Variants in SLC9A9 observed in about 807,000 individuals in gnomAD.
SLC9A9 encodes sodium/hydrogen exchanger 9.
A neutral mutation model predicts 77.8 loss-of-function variants in SLC9A9; 62 were observed. The ratio of observed to expected loss-of-function variants is 0.80; its 90% confidence interval spans 0.65 to 0.98. The LOEUF is 0.98. SLC9A9 is among the 50% of genes least tolerant of loss of function. The pLI is 0.00. For synonymous variants in SLC9A9, 320 were observed against 283.5 expected (o/e 1.13, Z -1.29); for missense variants, 775 against 774.9 (o/e 1.00, Z 0.00).
intron 12 of SLC9A9, among the ~76,000 whole-genome samples, chr3:143,422,650 T>C (rs1431201606): frequency 6.6e-6 from 1 of 152,170 alleles, no homozygotes; most frequent in Non-Finnish European, 1.5e-5. Context: ...GGTCCTATGC[T>C]CATAACTTGG....
intron 9 of SLC9A9, among the ~76,000 whole-genome samples, chr3:143,519,620 A>G (rs1264722716): frequency 6.6e-6 from 1 of 152,168 alleles, no homozygotes; most frequent in Non-Finnish European, 1.5e-5. Context: ...CTCTATTAAG[A>G]TAGGCCTAGA....
At chr3:143,391,393 G>C (rs1489640032) in intron 12 of SLC9A9, among the ~76,000 whole-genome samples, 1 of 152,246 alleles carries the variant, frequency 6.6e-6, no homozygotes. Flanking sequence ...TGAGGGTCCT[G>C]ACTGTTAGAA....
At chr3:143,315,190 C>T (rs1260836729) in intron 14 of SLC9A9, among the ~76,000 whole-genome samples, 1 of 152,196 alleles carries the variant, frequency 6.6e-6, no homozygotes, top group African/African-American at 2.4e-5. Flanking sequence ...AGTACCTCAG[C>T]TATAAGCCCC....
At chr3:143,585,137 C>A (rs763757848) in intron 6 of SLC9A9, among the ~76,000 whole-genome samples, 1 of 152,172 alleles carries the variant, frequency 6.6e-6, no homozygotes, top group African/African-American at 2.4e-5. Flanking sequence ...GCCACAAGAT[C>A]TTCCAGGTCT....
chr3:143,629,576 T>C (rs565188044), intron 6 of SLC9A9, among the ~76,000 whole-genome samples: 18 of 151,648 alleles, frequency 1.2e-4, no homozygotes, highest in East Asian at 7.7e-4. Flanking sequence ...TGTGTGCGTG[T>C]GTGTGTGTGT....
intron 14 of SLC9A9, among the ~76,000 whole-genome samples, chr3:143,323,857 A>T (rs1669935587): frequency 2.6e-5 from 4 of 152,198 alleles, no homozygotes; most frequent in African/African-American, 9.6e-5. Flanking sequence ...TTTATAATAC[A>T]TATGCACCCT....
At chr3:143,787,427 G>C (rs567453590) in intron 4 of SLC9A9, among the ~76,000 whole-genome samples, 2 of 152,108 alleles carry the variant, frequency 1.3e-5, no homozygotes, top group South Asian at 4.1e-4. Context: ...ATTGAATTTT[G>C]TTTTAATTCC....
At chr3:143,590,855 C>T (rs577841226) in intron 6 of SLC9A9, among the ~76,000 whole-genome samples, 2 of 152,270 alleles carry the variant, frequency 1.3e-5, no homozygotes, top group South Asian at 2.1e-4. Context: ...CACAGCTCAC[C>T]ACATGCTACA....
chr3:143,273,873 C>T (rs960137993), intron 14 of SLC9A9, among the ~76,000 whole-genome samples: 1 of 152,172 alleles, frequency 6.6e-6, no homozygotes, highest in African/African-American at 2.4e-5. Context: ...TATTGCCCTC[C>T]CATATGAGAT....
chr3:143,518,764 T>C (rs1168687122), intron 9 of SLC9A9, among the ~76,000 whole-genome samples: 2 of 152,232 alleles, frequency 1.3e-5, no homozygotes, highest in South Asian at 4.1e-4. Flanking sequence ...GAAATGTGTT[T>C]CCACATATCT....
Position 143,590,334 on chromosome 3 carries a change from G to A in SLC9A9, c.756-11611C>T, listed in dbSNP as rs568443640. On this transcript the variant is annotated intron_variant, in intron 6 of 15. Coordinates refer to ENST00000316549, the MANE Select transcript of SLC9A9 (RefSeq NM_173653.4). ...CATGGAAAGCACTCCAAAAATATTA[G>A]CTGTTATTATTGCTATTTGCATTAG... 1.5e-4 allele frequency among the ~76,000 whole-genome samples: 23 copies of A among 152,306 alleles called. 1 individual carries two copies. The South Asian group carries it at 4.8e-3, about 32-fold the overall frequency.
At chr3:143,699,235 CTT>C (rs1339393181) in intron 4 of SLC9A9, among the ~76,000 whole-genome samples, 1 of 152,094 alleles carries the variant, frequency 6.6e-6, no homozygotes, top group Admixed American at 6.6e-5. Context: ...TTCTAAAAGA[CTT>C]TTTATTTTGA....
At chr3:143,814,622 C>T (rs563994661) in intron 2 of SLC9A9, among the ~76,000 whole-genome samples, 11 of 152,214 alleles carry the variant, frequency 7.2e-5, no homozygotes, top group South Asian at 6.2e-4. Context: ...AGAATAATTT[C>T]GTAATATTGC....
At chr3:143,456,861 C>T (rs938712913) in intron 12 of SLC9A9, among the ~76,000 whole-genome samples, 3 of 152,108 alleles carry the variant, frequency 2.0e-5, no homozygotes, top group Admixed American at 6.5e-5. Flanking sequence ...CTGTGCCTGG[C>T]CAATTCTATA....
intron 6 of SLC9A9, among the ~76,000 whole-genome samples, chr3:143,641,330 A>C (rs745885491): frequency 6.6e-6 from 1 of 151,536 alleles, no homozygotes; most frequent in Non-Finnish European, 1.5e-5. Flanking sequence ...TAGCAGATAT[A>C]AATTGATTTC....
Position 143,687,066 on chromosome 3 carries a change from CA to C in SLC9A9, c.649+6125del, listed in dbSNP as rs138129606. Among the ~76,000 whole-genome samples, 1,257 of 152,148 alleles carry C rather than the reference CA, an allele frequency of 8.3e-3. 20 individuals are homozygous for C. Among genetic ancestry groups the C allele is most frequent in the African/African-American group, 0.029 (1,210 of 41,496 alleles). The stretch of plus-strand genomic sequence containing the variant: ...CTGATGATGACCTTTCCATCATCAG[CA>C]AGATCTTCATCAGTAAGGAAAGGAG... On this transcript the variant is annotated intron_variant, in intron 5 of 15. Transcript: ENST00000316549.
chr3:143,759,654 GT>G (rs1204376310), intron 4 of SLC9A9, among the ~76,000 whole-genome samples: 8 of 151,600 alleles, frequency 5.3e-5, no homozygotes, highest in Non-Finnish European at 7.4e-5. Context: ...AAATACCCCC[GT>G]TTTTTTCAAG....
intron 5 of SLC9A9, among the ~76,000 whole-genome samples, chr3:143,653,619 G>C (rs954596591): frequency 1.3e-5 from 2 of 152,134 alleles, no homozygotes; most frequent in Non-Finnish European, 1.5e-5. Flanking sequence ...TTTCATAATA[G>C]AGAGTCATGA....
intron 4 of SLC9A9, among the ~76,000 whole-genome samples, chr3:143,779,713 C>T (rs573869447): frequency 1.3e-5 from 2 of 152,212 alleles, no homozygotes; most frequent in South Asian, 4.1e-4. Context: ...TAATTCCTGC[C>T]CCTGCCTATC....
Sources: gnomAD v4.1 joint callset for allele counts (sites outside exome capture counted in the v4.1 genomes callset) on GRCh38, gnomAD v4.1.1 for gene constraint, MANE v1.5 for transcripts, NCBI Gene and HGNC (gene_info 2026-07-23, HGNC 2026-07-21) for gene names.